Variants in ADCY2 observed in about 807,000 individuals in gnomAD.
The protein encoded by ADCY2 is adenylate cyclase 2.
In ADCY2, 31 loss-of-function variants were observed where a neutral mutation model predicts 125.2. The observed-to-expected ratio is 0.25, with a 90% CI of 0.19 to 0.33. The LOEUF is 0.33. ADCY2 is among the 10% of genes least tolerant of loss of function. ADCY2 has a pLI of 1.00. For missense variants in ADCY2, 904 were observed against 1,418.2 expected (o/e 0.64, Z 5.82); for synonymous variants, 512 against 548.4 (o/e 0.93, Z 0.93).
chr5:7,762,835 C>T (rs1168369835), intron 16 of ADCY2, among the ~76,000 whole-genome samples: 1 of 152,122 alleles, frequency 6.6e-6, no homozygotes. Flanking sequence ...ATCGGACTCA[C>T]ATTTCAGCAA....
intron 24 of ADCY2, among the ~76,000 whole-genome samples, chr5:7,822,205 A>G (rs553194026): frequency 6.6e-6 from 1 of 152,370 alleles, no homozygotes; most frequent in South Asian, 2.1e-4. Context: ...CATGTTCACA[A>G]GGTTTAGATG....
intron 4 of ADCY2, among the ~76,000 whole-genome samples, chr5:7,658,431 G>GTATATATATA (rs1554029046): frequency 1.4e-5 from 2 of 142,918 alleles, no homozygotes; most frequent in South Asian, 2.2e-4. Context: ...GTGTGTGTGT[G>GTATATATATA]TATATATATA....
At chr5:7,555,285 CGCCT>C (rs1203909770) in intron 3 of ADCY2, among the ~76,000 whole-genome samples, 8 of 152,182 alleles carry the variant, frequency 5.3e-5, no homozygotes, top group African/African-American at 1.9e-4. Flanking sequence ...ATCCATTGAA[CGCCT>C]GCTACATATT....
At chr5:7,419,615 G>T (rs1216291654) in intron 2 of ADCY2, among the ~76,000 whole-genome samples, 1 of 152,082 alleles carries the variant, frequency 6.6e-6, no homozygotes. Context: ...ACATCACAGG[G>T]CTCTAAGTTC....
chr5:7,675,047 C>G (rs372077252), intron 4 of ADCY2, among the ~76,000 whole-genome samples: 7 of 151,534 alleles, frequency 4.6e-5, no homozygotes, highest in Admixed American at 3.9e-4. Context: ...CTCAGCTACT[C>G]GAGAGGCTGA....
At chr5:7,630,421 A>G (rs1164225620) in intron 4 of ADCY2, among the ~76,000 whole-genome samples, 2 of 152,208 alleles carry the variant, frequency 1.3e-5, no homozygotes, top group Non-Finnish European at 2.9e-5. Context: ...AACAGAAGCA[A>G]GTACTATTTC....
At chr5:7,818,855 A>T (rs1399996747) in intron 23 of ADCY2, among the ~76,000 whole-genome samples, 1 of 152,228 alleles carries the variant, frequency 6.6e-6, no homozygotes, top group East Asian at 1.9e-4. Context: ...AATAAAAAAA[A>T]ATGTATTACA....
At chr5:7,663,453 C>T (rs980533399) in intron 4 of ADCY2, among the ~76,000 whole-genome samples, 1 of 152,374 alleles carries the variant, frequency 6.6e-6, no homozygotes, top group South Asian at 2.1e-4. Flanking sequence ...GCCTAGTACC[C>T]AAGCCTCAGT....
At chr5:7,482,331 A>G (rs1300391420) in intron 2 of ADCY2, among the ~76,000 whole-genome samples, 1 of 152,054 alleles carries the variant, frequency 6.6e-6, no homozygotes, top group Admixed American at 6.6e-5. Flanking sequence ...TGTATTCTGG[A>G]TATTAGTCCC....
At position 7,681,169 on chromosome 5, in the gene ADCY2, A is replaced by C. The variant is rs539869419; in HGVS notation, c.721-9522A>C. Among the ~76,000 whole-genome samples the C allele has an allele frequency of 7.9e-5, 12 of 152,350 alleles. No individual in the cohort carries two copies. In the East Asian group the frequency reaches 1.5e-3, roughly 20 times the overall value. On this transcript the variant is annotated intron_variant, in intron 4 of 24. Coordinates refer to ENST00000338316, the MANE Select transcript of ADCY2 (RefSeq NM_020546.3). ...TGCATCTTTAATCCTTATCTGAAGA[A>C]GCTCAGGACATTGTTTCATGAGCAG...
At chr5:7,475,570 C>T (rs1298123121) in intron 2 of ADCY2, among the ~76,000 whole-genome samples, 1 of 152,186 alleles carries the variant, frequency 6.6e-6, no homozygotes, top group African/African-American at 2.4e-5. Flanking sequence ...TTAGTAGAGA[C>T]GGAGTTTCGC....
chr5:7,703,143 G>A (rs1230599351), intron 7 of ADCY2, among the ~76,000 whole-genome samples: 2 of 152,294 alleles, frequency 1.3e-5, no homozygotes, highest in South Asian at 4.2e-4. Flanking sequence ...TTTGTCAGAT[G>A]AGTAGATTGC....
rs143789471 is a variant in ADCY2 at position 7,677,703 on chromosome 5, G to A, written c.721-12988G>A. 5.3e-4 allele frequency among the ~76,000 whole-genome samples: 80 copies of A among 152,284 alleles called. No individual in the cohort carries two copies. The East Asian group carries it at 0.014, about 27-fold the overall frequency. Reference sequence around the variant, plus strand: ...ACCTTCCAGCCGAGCACAATCATGGGATTGTTGACAGCAAAACCAGGAGGA... The same window carrying A: ...ACCTTCCAGCCGAGCACAATCATGGAATTGTTGACAGCAAAACCAGGAGGA... On this transcript the variant is annotated intron_variant, in intron 4 of 24. Coordinates refer to ENST00000338316, the MANE Select transcript of ADCY2 (RefSeq NM_020546.3).
At chr5:7,539,081 T>C (rs1734912816) in intron 3 of ADCY2, among the ~76,000 whole-genome samples, 1 of 152,074 alleles carries the variant, frequency 6.6e-6, no homozygotes, top group South Asian at 2.1e-4. Context: ...CAGGCTGGTC[T>C]CAAACTCCTG....
rs372114874 is a variant in ADCY2, at chr5:7,520,727, T to C, written c.409-11T>C. On this transcript the variant is annotated splice_polypyrimidine_tract_variant and intron_variant, in intron 2 of 24. Transcript: ENST00000338316. ...TTGGTGACTCTTATTGTTCTTCTTC[T>C]CTGCCCGTAGGTATCGTTCTTCCTC... is the stretch of plus-strand genomic sequence containing the variant. The C allele has an allele frequency of 1.9e-6, 3 of 1,613,858 alleles. No homozygotes were observed. Among genetic ancestry groups the C allele is most frequent in the African/African-American group, 2.7e-5 (2 of 74,928 alleles).
intron 3 of ADCY2, among the ~76,000 whole-genome samples, chr5:7,526,367 C>G (rs2126539861): frequency 6.6e-6 from 1 of 152,214 alleles, no homozygotes; most frequent in South Asian, 2.1e-4. Context: ...TACAAAAATG[C>G]AGGTAGAGAG....
intron 2 of ADCY2, among the ~76,000 whole-genome samples, chr5:7,500,620 T>C (rs1743525980): frequency 6.6e-6 from 1 of 152,202 alleles, no homozygotes; most frequent in Admixed American, 6.5e-5. Context: ...AGAGGAATAT[T>C]CTACAAAATA....
intron 3 of ADCY2, among the ~76,000 whole-genome samples, chr5:7,536,847 A>G (rs1370909762): frequency 6.6e-6 from 1 of 152,072 alleles, no homozygotes; most frequent in Non-Finnish European, 1.5e-5. Flanking sequence ...TAGGGGAGGG[A>G]TAGCATTAGG....
intron 15 of ADCY2, among the ~76,000 whole-genome samples, chr5:7,748,529 C>CACACACACACACAG (rs1338318183): frequency 3.1e-4 from 19 of 61,472 alleles, no homozygotes; most frequent in Admixed American, 7.2e-4. Context: ...AACACACACA[C>CACACACACACACAG]ACACACACAC....
Sources: allele counts gnomAD v4.1 joint callset (sites outside exome capture counted in the v4.1 genomes callset), GRCh38; gene constraint gnomAD v4.1.1; transcripts MANE v1.5; gene names NCBI Gene and HGNC (gene_info 2026-07-23, HGNC 2026-07-21).